CXCR5: variants seen among roughly 807,000 people sequenced by gnomAD.
The protein encoded by CXCR5 is C-X-C motif chemokine receptor 5.
Under a neutral mutation model 5.6 loss-of-function variants are expected in CXCR5, and 3 were observed. That is an observed-to-expected ratio of 0.54 (90% CI 0.24 to 1.39). The LOEUF (loss-of-function observed/expected upper bound fraction) is 1.39. Among genes scored for constraint, CXCR5 ranks in the 40% most tolerant of loss-of-function variants. The pLI is 0.16. For missense variants in CXCR5, 333 were observed against 494.6 expected (o/e 0.67, Z 3.10); for synonymous variants, 218 against 219.9 (o/e 0.99, Z 0.08).
intron 1 of CXCR5, among the ~76,000 whole-genome samples, chr11:118,888,879 C>G (rs1939763468): frequency 6.6e-6 from 1 of 152,190 alleles, no homozygotes; most frequent in East Asian, 1.9e-4. Flanking sequence ...CTAGGCACCC[C>G]TGCCCAATGC....
Position 118,893,742 on chromosome 11 carries a change from G to A in CXCR5, c.198G>A (p.Val66=). The A allele has an allele frequency of 1.9e-6, 3 of 1,614,212 alleles. No homozygotes were observed. Among genetic ancestry groups the A allele is most frequent in the Non-Finnish European group, 2.5e-6 (3 of 1,180,042 alleles). Residue 66 remains valine (V), a synonymous_variant, in exon 2 of 2, where the codon GTG becomes GTA. Transcript: ENST00000292174. The surrounding 1 kb of genome is among the most constrained non-coding windows in gnomAD (Gnocchi z 5.7). ...VAYSLIFLLG[V]IGNVLVLVIL... is the part of the protein sequence containing the mutation. ...ACAGCCTCATCTTCCTCCTGGGCGT[G>A]ATCGGCAACGTCCTGGTGCTGGTGA... is the stretch of plus-strand genomic sequence containing the variant.
At position 118,895,124 on chromosome 11, in the gene CXCR5, C is replaced by G. The variant is rs902983468; in HGVS notation, c.*461C>G. The G allele has an allele frequency of 1.2e-5, 2 of 171,350 alleles. No homozygotes were observed. The highest frequency in any genetic ancestry group is 4.8e-5 in the African/African-American group (2 of 41,588). 10.6% of individuals were successfully genotyped at this position (171,350 alleles called of 1,614,324 possible). A position where few individuals can be genotyped will look rare whatever the true frequency, so the allele number is the denominator to read the frequency against. On this transcript the variant is annotated 3_prime_UTR_variant, in exon 2 of 2. Transcript: ENST00000292174. The surrounding 1 kb of genome is among the most constrained non-coding windows in gnomAD (Gnocchi z 4.2). ...GTCAAACAAAGCCAGAAGCTGAGCACCAGGGGATGAGTGGAGGTTAAGGCT... is the reference window on the plus strand; with the variant it reads ...GTCAAACAAAGCCAGAAGCTGAGCAGCAGGGGATGAGTGGAGGTTAAGGCT...
At chr11:118,890,888 T>A (rs1250213975) in intron 1 of CXCR5, among the ~76,000 whole-genome samples, 8 of 152,202 alleles carry the variant, frequency 5.3e-5, no homozygotes, top group Non-Finnish European at 1.2e-4. Context: ...CACACAGTCA[T>A]GGGTACTCTA....
At chr11:118,892,902 C>T (rs1301006839) in intron 1 of CXCR5, among the ~76,000 whole-genome samples, 1 of 152,162 alleles carries the variant, frequency 6.6e-6, no homozygotes. Context: ...GCATCTGCTG[C>T]CCCTAGAAGG....
intron 1 of CXCR5, among the ~76,000 whole-genome samples, chr11:118,888,354 G>A (rs1021718562): frequency 6.6e-6 from 1 of 152,116 alleles, no homozygotes; most frequent in African/African-American, 2.4e-5. Context: ...GTCCATTGCT[G>A]CCCTCTTGCC....
intron 1 of CXCR5, among the ~76,000 whole-genome samples, chr11:118,892,031 T>C (rs1366056247): frequency 6.6e-6 from 1 of 152,116 alleles, no homozygotes; most frequent in East Asian, 1.9e-4. Context: ...CTGTCCTCTG[T>C]GCAGGAGGTG....
Position 118,893,516 on chromosome 11 carries a change from C to A in CXCR5, c.52-80C>A. 1 of 1,500,356 alleles carries A rather than the reference C, an allele frequency of 6.7e-7. No homozygotes were observed. Among genetic ancestry groups the A allele is most frequent in the Admixed American group, 2.3e-5 (1 of 43,696 alleles). The allele number at this position is 1,500,356 out of a possible 1,614,324, so 92.9% of individuals were successfully genotyped here. A position where few individuals can be genotyped will look rare whatever the true frequency, so the allele number is the denominator to read the frequency against. On this transcript the variant is annotated intron_variant, in intron 1 of 1. Transcript: ENST00000292174. This position sits in a 1 kb window ranked among gnomAD's most constrained non-coding sequence, Gnocchi z 5.7. ...CAGTGGGCCCTATGTAGGAAAAAACCTCCAAGAGAGCTAGGGTTCCTCTCA... is the reference window on the plus strand; with the variant it reads ...CAGTGGGCCCTATGTAGGAAAAAACATCCAAGAGAGCTAGGGTTCCTCTCA...
rs772592058 is a variant in CXCR5, at chr11:118,893,709, C to G, written c.165C>G (p.Pro55=). The G allele has an allele frequency of 1.2e-6, 2 of 1,614,220 alleles. No individual in the cohort carries two copies. The highest frequency in any genetic ancestry group is 1.7e-6 in the Non-Finnish European group (2 of 1,180,040). The change falls in exon 2 of 2, where the codon CCC becomes CCG. Residue 55 remains proline, a synonymous_variant. Transcript: ENST00000292174. This position sits in a 1 kb window ranked among gnomAD's most constrained non-coding sequence, Gnocchi z 5.7. ...LMASFKAVFV[P]VAYSLIFLLG... ...CCTCCTTCAAGGCCGTGTTCGTGCC[C>G]GTGGCCTACAGCCTCATCTTCCTCC... is the stretch of plus-strand genomic sequence containing the variant.
chr11:118,887,552 G>T, intron 1 of CXCR5: 2 of 491,098 alleles, frequency 4.1e-6, no homozygotes, highest in South Asian at 8.8e-5. Context: ...GATGAAAGAG[G>T]AGTCTCACAG....
At chr11:118,884,948 G>A (rs771534502) in intron 1 of CXCR5, among the ~76,000 whole-genome samples, 1 of 152,180 alleles carries the variant, frequency 6.6e-6, no homozygotes, top group African/African-American at 2.4e-5. Context: ...GAGAGGACTT[G>A]TTTCGGGGCT....
In CXCR5 at chr11:118,893,907, C is replaced by T. The variant is rs1256173182; in HGVS notation, c.363C>T (p.Leu121=). Reference sequence around the variant, plus strand: ...TGGGCTGGGTCCTGGGGACCTTCCTCTGCAAAACTGTGATTGCCCTGCACA... The same window carrying T: ...TGGGCTGGGTCCTGGGGACCTTCCTTTGCAAAACTGTGATTGCCCTGCACA... ...GSVGWVLGTF[L]CKTVIALHKV... Residue 121 remains leucine, a synonymous_variant, in exon 2 of 2, where the codon CTC becomes CTT. Transcript: ENST00000292174. The surrounding 1 kb of genome is among the most constrained non-coding windows in gnomAD (Gnocchi z 5.7). The T allele has an allele frequency of 2.5e-6, 4 of 1,614,144 alleles. No homozygotes were observed. The Admixed American group carries it at 5.0e-5, about 20-fold the overall frequency.
At chr11:118,884,214 G>A (rs1259676494) in intron 1 of CXCR5, among the ~76,000 whole-genome samples, 1 of 152,196 alleles carries the variant, frequency 6.6e-6, no homozygotes, top group Non-Finnish European at 1.5e-5. Flanking sequence ...ATCCTTTAGA[G>A]GAAGCTGGAA....
intron 1 of CXCR5, among the ~76,000 whole-genome samples, chr11:118,888,276 A>G (rs939465146): frequency 5.9e-5 from 9 of 152,024 alleles, no homozygotes; most frequent in Non-Finnish European, 1.2e-4. Flanking sequence ...CCCTCCTTTG[A>G]CTGAAACGCT....
chr11:118,887,950 T>C (rs558667104), intron 1 of CXCR5, among the ~76,000 whole-genome samples: 1 of 152,326 alleles, frequency 6.6e-6, no homozygotes, highest in South Asian at 2.1e-4. Context: ...AAGCCACGCA[T>C]GCAGGCAGCC....
At chr11:118,891,826 G>A (rs952038812) in intron 1 of CXCR5, among the ~76,000 whole-genome samples, 5 of 143,104 alleles carry the variant, frequency 3.5e-5, no homozygotes, top group Non-Finnish European at 6.0e-5. Context: ...AGCCGAGATC[G>A]TGCCACTGCA....
chr11:118,893,695 G>A lies in CXCR5; in HGVS notation c.151G>A (p.Ala51Thr). 9.9e-6 allele frequency: 16 copies of A among 1,614,146 alleles called. No individual in the cohort carries two copies. Among genetic ancestry groups the A allele is most frequent in the Non-Finnish European group, 1.4e-5 (16 of 1,180,016 alleles). ...GGGGCCCCTCATGGCCTCCTTCAAG[G>A]CCGTGTTCGTGCCCGTGGCCTACAG... ...TEGPLMASFKAVFVPVAYSLI... is the reference protein window; with the variant it reads ...TEGPLMASFKTVFVPVAYSLI... The change falls in exon 2 of 2, where the codon GCC (alanine) becomes ACC (threonine). Residue 51 changes from alanine to threonine, a missense_variant. Physicochemically the swap from Ala to Thr is moderately conservative, Grantham distance 58. Transcript: ENST00000292174. The surrounding 1 kb of genome is among the most constrained non-coding windows in gnomAD (Gnocchi z 5.7).
At chr11:118,886,696 G>C (rs549340057) in intron 1 of CXCR5, 1 of 272,432 alleles carries the variant, frequency 3.7e-6, no homozygotes, top group African/African-American at 2.3e-5. Context: ...CAGGGCCTGG[G>C]CTGGGGCATC....
intron 1 of CXCR5, among the ~76,000 whole-genome samples, chr11:118,890,420 A>C (rs1939789374): frequency 6.6e-6 from 1 of 152,164 alleles, no homozygotes; most frequent in African/African-American, 2.4e-5. Context: ...ATGCACACGC[A>C]TCATAAGGAG....
In CXCR5 at chr11:118,884,896, G is replaced by C. The variant is rs76717434; in HGVS notation, c.51+904G>C. ...AGCCGACGGCAGAGGCTGGTTGTAA[G>C]GGTTTCTTGGAAACTTCTTCACTGT... On this transcript the variant is annotated intron_variant, in intron 1 of 1. Coordinates refer to ENST00000292174, the MANE Select transcript of CXCR5 (RefSeq NM_001716.5). Among the ~76,000 whole-genome samples, 593 of 152,220 alleles carry C rather than the reference G, an allele frequency of 3.9e-3. 5 individuals are homozygous for C. The highest frequency in any genetic ancestry group is 0.013 in the African/African-American group (536 of 41,520).
Sources: allele counts gnomAD v4.1 joint callset (sites outside exome capture counted in the v4.1 genomes callset), GRCh38; gene constraint gnomAD v4.1.1; non-coding constraint Gnocchi (gnomAD v3.1); transcripts MANE v1.5; gene names NCBI Gene and HGNC (gene_info 2026-07-23, HGNC 2026-07-21).